Variants in MYCBP2 observed in about 807,000 individuals in gnomAD.
MYCBP2 encodes the protein E3 ubiquitin-protein ligase MYCBP2.
In MYCBP2, 120 loss-of-function variants were observed where a neutral mutation model predicts 525.3. The ratio of observed to expected loss-of-function variants is 0.23; its 90% CI spans 0.20 to 0.27. The LOEUF is 0.27. Ranked by LOEUF, MYCBP2 falls within the 10% of genes least tolerant of loss-of-function variation. The pLI is 1.00. For missense variants in MYCBP2, 4,149 were observed against 5,657.1 expected (o/e 0.73, Z 8.55); for synonymous variants, 1,894 against 1,955.8 (o/e 0.97, Z 0.83).
chr13:77,172,588 T>C (rs995672535), intron 37 of MYCBP2, among the ~76,000 whole-genome samples: 3 of 152,122 alleles, frequency 2.0e-5, no homozygotes, highest in Non-Finnish European at 4.4e-5. Context: ...AGTGGCTTGG[T>C]CTAGACTATT....
intron 27 of MYCBP2, 57 bp from the exon 28 acceptor site, chr13:77,191,870 T>C: frequency 6.5e-7 from 1 of 1,546,600 alleles, no homozygotes; most frequent in Non-Finnish European, 8.8e-7. Context: ...GTCACATATA[T>C]TTATTTTTTC....
intron 13 of MYCBP2, 24 bp from the exon 14 acceptor site, chr13:77,257,853 T>TA: frequency 6.3e-7 from 1 of 1,585,660 alleles, no homozygotes; most frequent in Non-Finnish European, 8.5e-7. Flanking sequence ...ACAAATTTAG[T>TA]AAAAACAACA....
intron 10 of MYCBP2, among the ~76,000 whole-genome samples, chr13:77,263,177 T>A (rs2073581312): frequency 6.6e-6 from 1 of 152,024 alleles, no homozygotes; most frequent in African/African-American, 2.4e-5. Flanking sequence ...TAAGGCCAAT[T>A]ACCATTTTGA....
chr13:77,117,597 G>A lies in MYCBP2; in HGVS notation c.8140+3776C>T, dbSNP rs573318170. Among the ~76,000 whole-genome samples the A allele has an allele frequency of 1.2e-3, 184 of 152,158 alleles. 1 individual carries two copies. Among genetic ancestry groups the A allele is most frequent in the Non-Finnish European group, 2.3e-3 (153 of 67,970 alleles). The stretch of plus-strand genomic sequence containing the variant: ...GTTGTGCATTTGAATCCGAAAAATG[G>A]TATACAAGCTGAAACTTTCATAAAC... On this transcript the variant is annotated intron_variant, in intron 55 of 82. Transcript: ENST00000544440.
intron 1 of MYCBP2, 37 bp from the exon 2 acceptor site, chr13:77,296,711 T>C (rs2078223974): frequency 3.2e-6 from 4 of 1,251,934 alleles, no homozygotes; most frequent in Non-Finnish European, 4.4e-6. Flanking sequence ...AAAATATGAA[T>C]GTTCATATTA....
intron 38 of MYCBP2, among the ~76,000 whole-genome samples, chr13:77,171,164 A>G (rs973628438): frequency 2.6e-5 from 4 of 152,198 alleles, no homozygotes; most frequent in Admixed American, 6.5e-5. Context: ...ATAGCGATAC[A>G]TTACTGGAAA....
At chr13:77,145,465 C>A (rs1322520787) in intron 48 of MYCBP2, among the ~76,000 whole-genome samples, 2 of 152,154 alleles carry the variant, frequency 1.3e-5, no homozygotes, top group African/African-American at 4.8e-5. Flanking sequence ...CCTATGCCAT[C>A]TATCTAGGTG....
At chr13:77,073,031 T>C (rs2041651649) in intron 68 of MYCBP2, among the ~76,000 whole-genome samples, 1 of 152,204 alleles carries the variant, frequency 6.6e-6, no homozygotes, top group African/African-American at 2.4e-5. Flanking sequence ...TTCATCTGTT[T>C]AAAGCATAGA....
intron 26 of MYCBP2, among the ~76,000 whole-genome samples, chr13:77,202,312 T>C (rs2062708417): frequency 6.6e-6 from 1 of 152,222 alleles, no homozygotes; most frequent in Non-Finnish European, 1.5e-5. Flanking sequence ...AAGGGATTCC[T>C]GGACACATAC....
At chr13:77,079,501 T>G (rs2042920299) in intron 65 of MYCBP2, among the ~76,000 whole-genome samples, 1 of 152,186 alleles carries the variant, frequency 6.6e-6, no homozygotes, top group Non-Finnish European at 1.5e-5. Flanking sequence ...AGATTAACAT[T>G]AATTCCTTGG....
At chr13:77,132,656 C>T (rs977158763) in intron 52 of MYCBP2, among the ~76,000 whole-genome samples, 2 of 152,006 alleles carry the variant, frequency 1.3e-5, no homozygotes, top group Admixed American at 1.3e-4. Flanking sequence ...CTTTCTCTTC[C>T]ACTCAACCCC....
chr13:77,185,520 G>A (rs966597693), intron 31 of MYCBP2, 143 bp from the exon 32 acceptor site: 1 of 914,596 alleles, frequency 1.1e-6, no homozygotes, highest in Non-Finnish European at 1.6e-6. Flanking sequence ...GAGATTAAGT[G>A]TAGTCCCAAT....
At chr13:77,275,983 C>CA (rs1456165900) in intron 4 of MYCBP2, among the ~76,000 whole-genome samples, 1 of 151,812 alleles carries the variant, frequency 6.6e-6, no homozygotes, top group Non-Finnish European at 1.5e-5. Context: ...GACTCCGTCT[C>CA]AAAAAACAAA....
At chr13:77,297,388 A>C (rs2154367153) in intron 1 of MYCBP2, among the ~76,000 whole-genome samples, 1 of 152,314 alleles carries the variant, frequency 6.6e-6, no homozygotes, top group South Asian at 2.1e-4. Flanking sequence ...GAGCTCAGAG[A>C]CTTGAATGGA....
At chr13:77,246,793 G>A (rs1300298182) in intron 15 of MYCBP2, among the ~76,000 whole-genome samples, 2 of 152,014 alleles carry the variant, frequency 1.3e-5, no homozygotes, top group African/African-American at 2.4e-5. Context: ...TAACGAAGTG[G>A]GATTTACTCC....
At chr13:77,231,629 G>A (rs1000255701) in intron 18 of MYCBP2, among the ~76,000 whole-genome samples, 1 of 152,112 alleles carries the variant, frequency 6.6e-6, no homozygotes, top group African/African-American at 2.4e-5. Context: ...TTCATTTAAC[G>A]TTTCATTTAA....
At chr13:77,251,411 T>A in intron 14 of MYCBP2, 56 bp from the exon 15 acceptor site, 1 of 1,406,664 alleles carries the variant, frequency 7.1e-7, no homozygotes, top group Non-Finnish European at 1.0e-6. Flanking sequence ...GTATAAAAGA[T>A]GGATGACTAT....
At chr13:77,199,845 G>C (rs1005859703) in intron 26 of MYCBP2, among the ~76,000 whole-genome samples, 3 of 152,126 alleles carry the variant, frequency 2.0e-5, no homozygotes, top group Non-Finnish European at 4.4e-5. Flanking sequence ...TCTGTTAAAA[G>C]GAAAACTAAC....
rs763340614 is a variant in MYCBP2 at position 77,068,855 on chromosome 13, T to C, written c.11905-24A>G. 8 of 1,606,004 alleles carry C rather than the reference T, an allele frequency of 5.0e-6. No individual in the cohort carries two copies. The South Asian group carries it at 7.7e-5, about 16-fold the overall frequency. ...ACCTATTTAAAGTTAACACAGAACA[T>C]GTAAAAATATAGGGTTAGTTTGATT... On this transcript the variant is annotated intron_variant, in intron 69 of 82. Coordinates refer to ENST00000544440, the MANE Select transcript of MYCBP2 (RefSeq NM_015057.5).
Sources: gnomAD v4.1 joint callset for allele counts (sites outside exome capture counted in the v4.1 genomes callset) on GRCh38, gnomAD v4.1.1 for gene constraint, MANE v1.5 for transcripts, NCBI Gene and HGNC (gene_info 2026-07-23, HGNC 2026-07-21) for gene names.